The following MKI67 variants were observed in gnomAD, a reference collection of about 807,000 sequenced individuals.
MKI67 encodes marker of proliferation Ki-67.
Under a neutral mutation model 233.5 loss-of-function variants are expected in MKI67, and 152 were observed. The observed-to-expected ratio is 0.65, with a 90% CI of 0.57 to 0.74. MKI67 has a LOEUF of 0.74. MKI67 is among the 30% of genes least tolerant of loss of function. The probability of loss-of-function intolerance (pLI) is 0.00; values close to 1 mark genes in which losing one functional copy is unlikely to be tolerated. For missense variants in MKI67, 3,940 were observed against 3,885.2 expected, an observed-to-expected ratio of 1.01 and a Z score of -0.37; for synonymous variants, 1,465 against 1,418.5, an observed-to-expected ratio of 1.03 and a Z score of -0.74.
Position 128,104,294 on chromosome 10 carries a change from T to C in MKI67, c.7546A>G (p.Thr2516Ala). 1 of 1,614,178 alleles carries C rather than the reference T, an allele frequency of 6.2e-7. No individual in the cohort carries two copies. The highest frequency in any genetic ancestry group is 8.5e-7 in the Non-Finnish European group (1 of 1,180,026). ...GCTTTGATGCTCTTACTATCTCCTG[T>C]TGGCTCTGTGTGTGTTTGCGTAGTC... The part of the protein sequence containing the change: ...GETTQTHTEP[T>A]GDSKSIKAFK... The change falls in exon 13 of 15, where the codon ACA (threonine) becomes GCA (alanine). Residue 2516 changes from threonine (T) to alanine (A), a missense_variant. Transcript: ENST00000368654.
At position 128,105,433 on chromosome 10, in the gene MKI67, G is replaced by A. The variant is rs769126837; in HGVS notation, c.6407C>T (p.Ala2136Val). ...TGTGGTCTGTGTGAGCTGCTTCAGG[G>A]CTGAGAGCTCTTCCACTATATCCCT... ...GKRDIVEELS[A>V]LKQLTQTTHT... Residue 2136 changes from alanine to valine, a missense_variant, in exon 13 of 15, where the codon GCC (alanine) becomes GTC (valine). Transcript: ENST00000368654. 8 of 1,614,026 alleles carry A rather than the reference G, an allele frequency of 5.0e-6. No individual in the cohort carries two copies. The East Asian group carries it at 1.8e-4, about 36-fold the overall frequency.
intron 5 of MKI67, among the ~76,000 whole-genome samples, chr10:128,117,331 G>T (rs1180176336): frequency 5.9e-5 from 9 of 152,220 alleles, no homozygotes; most frequent in Non-Finnish European, 1.5e-5. Context: ...GATACTTAGG[G>T]TGGATCTGAG....
At chr10:128,099,529 T>G (rs1317992402) in intron 14 of MKI67, among the ~76,000 whole-genome samples, 1 of 152,238 alleles carries the variant, frequency 6.6e-6, no homozygotes, top group Non-Finnish European at 1.5e-5. Context: ...TAATTCATAA[T>G]AAAATTTCTT....
chr10:128,103,289 C>T lies in MKI67; in HGVS notation c.8551G>A (p.Val2851Met). Residue 2851 changes from valine to methionine, a missense_variant, in exon 13 of 15, where the codon GTG (valine) becomes ATG (methionine). Transcript: ENST00000368654. ...RPRTRAQKVEVKEELLAVGKL... is the reference protein window; with the variant it reads ...RPRTRAQKVEMKEELLAVGKL... ...CCAACTGCTAACAGCTCCTCCTTCA[C>T]TTCTACTTTCTGGGCACGTGTCCTG... 1 of 1,614,156 alleles carries T rather than the reference C, an allele frequency of 6.2e-7. No homozygotes were observed.
At chr10:128,124,840 G>T (rs1419301231) in intron 2 of MKI67, among the ~76,000 whole-genome samples, 1 of 152,080 alleles carries the variant, frequency 6.6e-6, no homozygotes, top group Non-Finnish European at 1.5e-5. Context: ...TGTGTAAGAA[G>T]TACCAAGGTG....
At chr10:128,121,035 T>A (rs1289984070) in intron 4 of MKI67, among the ~76,000 whole-genome samples, 3 of 151,952 alleles carry the variant, frequency 2.0e-5, no homozygotes, top group Non-Finnish European at 4.4e-5. Flanking sequence ...CAAGCACTCA[T>A]CAAAAGGAAA....
At chr10:128,109,616 A>C (rs1260830494) in intron 12 of MKI67, among the ~76,000 whole-genome samples, 193 bp from the exon 13 acceptor site, 2 of 152,218 alleles carry the variant, frequency 1.3e-5, no homozygotes, top group Non-Finnish European at 2.9e-5. Flanking sequence ...ATTTGGTGCT[A>C]TAGTGGGGTC....
chr10:128,123,172 TC>T lies in MKI67; in HGVS notation c.93-4del, dbSNP rs1486181776. On this transcript the variant is annotated splice_region_variant and splice_polypyrimidine_tract_variant and intron_variant, in intron 2 of 14. Transcript: ENST00000368654. Reference sequence around the variant, plus strand: ...TACGGATGTCACATTCAATACCCCTTCATGCAAAAGAAGAAGGTTTTTTTGG... The same window carrying T: ...TACGGATGTCACATTCAATACCCCTTATGCAAAAGAAGAAGGTTTTTTTGG... 4 of 1,610,014 alleles carry T rather than the reference TC, an allele frequency of 2.5e-6. No homozygotes were observed. The highest frequency in any genetic ancestry group is 3.4e-6 in the Non-Finnish European group (4 of 1,177,380).
rs1431332141 is a variant in MKI67, at chr10:128,104,418, G to T, written c.7422C>A (p.Thr2474=). The T allele has an allele frequency of 1.9e-6, 3 of 1,613,750 alleles. No individual in the cohort carries two copies. Among genetic ancestry groups the T allele is most frequent in the Non-Finnish European group, 8.5e-7 (1 of 1,180,006 alleles). Residue 2474 remains threonine (T), a synonymous_variant, in exon 13 of 15, where the codon ACC becomes ACA. Transcript: ENST00000368654. ...TGAGCCTTTGCTTGGAGCTTCTTGA[G>T]GTTTTGAATGACTCTGGCTGTGGAG... is the stretch of plus-strand genomic sequence containing the variant. The part of the protein sequence containing the change: ...CKSPQPESFK[T]SRSSKQRLKI...
At chr10:128,124,887 G>C (rs569773072) in intron 2 of MKI67, among the ~76,000 whole-genome samples, 13 of 152,186 alleles carry the variant, frequency 8.5e-5, no homozygotes, top group African/African-American at 2.9e-4. Context: ...GGAGGAACAA[G>C]GTAGGGGATG....
chr10:128,109,295 A>G lies in MKI67; in HGVS notation c.2545T>C (p.Tyr849His). Residue 849 changes from tyrosine (Y) to histidine (H), a missense_variant, in exon 13 of 15, where the codon TAC (tyrosine) becomes CAC (histidine). Coordinates refer to ENST00000368654, the MANE Select transcript of MKI67 (RefSeq NM_002417.5). Reference protein sequence around the residue: ...GNVAKTPRNTYKMTSLETKTS... With the variant: ...GNVAKTPRNTHKMTSLETKTS... Reference sequence around the variant, plus strand: ...TTTGTCTCCAGAGAAGTCATTTTGTAGGTGTTCCTGGGCGTTTTTGCTACG... The same window carrying G: ...TTTGTCTCCAGAGAAGTCATTTTGTGGGTGTTCCTGGGCGTTTTTGCTACG... 1 of 1,614,090 alleles carries G rather than the reference A, an allele frequency of 6.2e-7. No individual in the cohort carries two copies. The highest frequency in any genetic ancestry group is 2.2e-5 in the East Asian group (1 of 44,864).
rs1852560175 is a variant in MKI67 at position 128,108,012 on chromosome 10, T to G, written c.3828A>C (p.Ala1276=). 2 of 1,613,888 alleles carry G rather than the reference T, an allele frequency of 1.2e-6. No individual in the cohort carries two copies. Among genetic ancestry groups the G allele is most frequent in the Non-Finnish European group, 1.7e-6 (2 of 1,179,962 alleles). The change falls in exon 13 of 15, where the codon GCA becomes GCC. Residue 1276 remains alanine (A), a synonymous_variant. Coordinates refer to ENST00000368654, the MANE Select transcript of MKI67 (RefSeq NM_002417.5). The stretch of plus-strand genomic sequence containing the variant: ...ACGCTAAGAGTTCTCCCTCTACATC[T>G]GCTTTCCTGATACTTCTCTTGGGTC... ...KQRPKRSIRK[A]DVEGELLACR...
At position 128,125,563 on chromosome 10, in the gene MKI67, C is replaced by A. The variant is rs557622887; in HGVS notation, c.92+13G>T. 7 of 1,610,062 alleles carry A rather than the reference C, an allele frequency of 4.3e-6. No individual in the cohort carries two copies. The African/African-American group carries it at 5.3e-5, about 12-fold the overall frequency. ...TCTCAGCTAAAACGTCCGCGCGCGC[C>A]CGCGGGGCTCACCTTCCAAACAAGC... On this transcript the variant is annotated intron_variant, in intron 2 of 14. Transcript: ENST00000368654. This position sits in a 1 kb window ranked among gnomAD's most constrained non-coding sequence, Gnocchi z 5.3.
At chr10:128,117,276 G>A (rs529606416) in intron 5 of MKI67, among the ~76,000 whole-genome samples, 65 of 152,332 alleles carry the variant, frequency 4.3e-4, no homozygotes, top group Non-Finnish European at 7.2e-4. Context: ...AGGACCTGTC[G>A]ATGAACTGAG....
intron 2 of MKI67, 57 bp from the exon 3 acceptor site, chr10:128,123,226 C>A: frequency 1.7e-6 from 2 of 1,169,954 alleles, no homozygotes; most frequent in South Asian, 1.2e-5. Flanking sequence ...AAGATTACCT[C>A]AATTTCCCAA....
At position 128,115,598 on chromosome 10, in the gene MKI67, G is replaced by T; in HGVS notation, c.810C>A (p.Tyr270Ter). Residue 270 changes from tyrosine to a stop codon, truncating the protein, a stop_gained, in exon 7 of 15, where the codon TAC becomes TAA. Coordinates refer to ENST00000368654, the MANE Select transcript of MKI67 (RefSeq NM_002417.5). LOFTEE classifies it high-confidence loss of function. Reference sequence around the variant, plus strand: ...CATCAGCACTTTCTTTCTCTGTTGCGTAATCAGTTTGTAATCCAGATTTTC... The same window carrying T: ...CATCAGCACTTTCTTTCTCTGTTGCTTAATCAGTTTGTAATCCAGATTTTC... ...YCRKSGLQTD[Y>*]ATEKESADGL... The T allele has an allele frequency of 6.2e-7, 1 of 1,614,126 alleles. No homozygotes were observed. Among genetic ancestry groups the T allele is most frequent in the Non-Finnish European group, 8.5e-7 (1 of 1,180,008 alleles).
rs147973370 is a variant in MKI67, at chr10:128,105,758, T to C, written c.6082A>G (p.Thr2028Ala). 8 of 1,614,004 alleles carry C rather than the reference T, an allele frequency of 5.0e-6. No individual in the cohort carries two copies. The African/African-American group carries it at 5.3e-5, about 11-fold the overall frequency. Residue 2028 changes from threonine to alanine, a missense_variant, in exon 13 of 15, where the codon ACA becomes GCA. Coordinates refer to ENST00000368654, the MANE Select transcript of MKI67 (RefSeq NM_002417.5). ...LTQTSGKTTQTHRETAGDGKS... is the reference protein window; with the variant it reads ...LTQTSGKTTQAHRETAGDGKS... The stretch of plus-strand genomic sequence containing the variant: ...CCATCTCCTGCTGTCTCTCTGTGTG[T>C]CTGTGTGGTCTTCCCTGACGTCTGT...
At position 128,111,909 on chromosome 10, in the gene MKI67, A is replaced by G. The variant is rs759004484; in HGVS notation, c.2088+18T>C. 1.9e-6 allele frequency: 3 copies of G among 1,607,450 alleles called. No individual in the cohort carries two copies. Among genetic ancestry groups the G allele is most frequent in the East Asian group, 2.2e-5 (1 of 44,856 alleles). On this transcript the variant is annotated intron_variant, in intron 10 of 14. Transcript: ENST00000368654. ...TGACACCGGTATGTGTAAAGCAGCC[A>G]TTCAGTGAGGCCCCTACCTTTGGAG...
Position 128,099,267 on chromosome 10 carries a change from G to GA in MKI67, c.9706-13dup, listed in dbSNP as rs763575402. 27 of 1,597,036 alleles carry GA rather than the reference G, an allele frequency of 1.7e-5. No homozygotes were observed. The highest frequency in any genetic ancestry group is 5.2e-5 in the Admixed American group (3 of 57,234). On this transcript the variant is annotated splice_polypyrimidine_tract_variant and intron_variant, in intron 14 of 14. Transcript: ENST00000368654. ...ACATTGTCCTCAGCCTGTGTGGGAA[G>GA]AAAAAAAATAGAACTCTTAAGTAAT...
Sources: allele counts gnomAD v4.1 joint callset (sites outside exome capture counted in the v4.1 genomes callset), GRCh38; gene constraint gnomAD v4.1.1; non-coding constraint Gnocchi (gnomAD v3.1); transcripts MANE v1.5; gene names NCBI Gene and HGNC (gene_info 2026-07-23, HGNC 2026-07-21).